The following MAF variants were observed in gnomAD, a reference collection of about 807,000 sequenced individuals.
MAF encodes the protein MAF bZIP transcription factor.
A neutral mutation model predicts 22.0 loss-of-function variants in MAF; 10 were observed. The observed-to-expected ratio is 0.45, with a 90% CI of 0.28 to 0.77. MAF has a LOEUF of 0.77. MAF is among the 30% of genes least tolerant of loss of function. MAF has a pLI of 0.12. For synonymous variants in MAF, 337 were observed against 255.8 expected (o/e 1.32, Z -3.03); for missense variants, 544 against 548.4 (o/e 0.99, Z 0.08).
At chr16:79,255,982 C>CTTTTTTTTTTTTTTTTTTTTTT in the MAF span, among the ~76,000 whole-genome samples, 2 of 99,730 alleles carry the variant, frequency 2.0e-5, no homozygotes, top group African/African-American at 4.6e-5. Flanking sequence ...CTTTTCTTTT[C>CTTTTTTTTTTTTTTTTTTTTTT]TTTTTTTTTT....
At chr16:79,492,753 A>G in the MAF span, among the ~76,000 whole-genome samples, 1 of 152,228 alleles carries the variant, frequency 6.6e-6, no homozygotes, top group Non-Finnish European at 1.5e-5. Flanking sequence ...TACTCATGGG[A>G]GAAAGAGGCC....
At chr16:79,551,839 C>G in the MAF span, among the ~76,000 whole-genome samples, 42 of 152,256 alleles carry the variant, frequency 2.8e-4, no homozygotes, top group South Asian at 8.3e-3. Context: ...GCTTGAGTAG[C>G]TGCAACAGAG....
Position 79,599,926 on chromosome 16 carries a change from CGCCGCCGCT to C in MAF, c.-33_-25del, listed in dbSNP as rs763411678. On this transcript the variant is annotated 5_prime_UTR_variant, in exon 1 of 2. Coordinates refer to ENST00000326043, the MANE Select transcript of MAF (RefSeq NM_005360.5). ...ATTCTCCTGCCGCCGCCGCCGCCGC[CGCCGCCGCT>C]CCGCCAGATGGGCTGCAGGAGAGGG... 11 of 1,592,204 alleles carry C rather than the reference CGCCGCCGCT, an allele frequency of 6.9e-6. No homozygotes were observed. The East Asian group carries it at 2.5e-4, about 36-fold the overall frequency.
rs965793852 is a variant in MAF at position 79,595,582 on chromosome 16, T to C, written c.1119-1029A>G. ...ATTAGTTTCATGAATTTGTGTCATT[T>C]AAAAATAGGTCAGCGCTTAGGAGTC... On this transcript the variant is annotated intron_variant, in intron 1 of 1. Transcript: ENST00000326043. 8 of 1,059,544 alleles carry C rather than the reference T, an allele frequency of 7.6e-6. No homozygotes were observed. In the African/African-American group the frequency reaches 1.2e-4, roughly 15 times the overall value. The allele number at this position is 1,059,544 out of a possible 1,614,324, so 65.6% of individuals were successfully genotyped here.
chr16:79,449,458 G>A, the MAF span, among the ~76,000 whole-genome samples: 3 of 152,202 alleles, frequency 2.0e-5, no homozygotes, highest in South Asian at 6.2e-4. Context: ...CGGTGTGCTT[G>A]TTATTTAGTT....
the MAF span, among the ~76,000 whole-genome samples, chr16:79,274,704 A>G: frequency 1.3e-5 from 2 of 152,166 alleles, no homozygotes; most frequent in African/African-American, 4.8e-5. Context: ...TCTTTGTACC[A>G]TCAGCAGTCC....
At chr16:79,574,039 G>C in the MAF span, among the ~76,000 whole-genome samples, 1 of 152,302 alleles carries the variant, frequency 6.6e-6, no homozygotes, top group East Asian at 1.9e-4. Flanking sequence ...GCTACTCACC[G>C]ATACAGGGCT....
chr16:79,546,099 T>A, the MAF span, among the ~76,000 whole-genome samples: 1 of 151,914 alleles, frequency 6.6e-6, no homozygotes, highest in African/African-American at 2.4e-5. Flanking sequence ...ATAAACAAAA[T>A]GTGGTATGAG....
At chr16:79,373,122 G>T in the MAF span, among the ~76,000 whole-genome samples, 1 of 152,092 alleles carries the variant, frequency 6.6e-6, no homozygotes, top group Non-Finnish European at 1.5e-5. Context: ...AACTCTGTAA[G>T]GGGAGGGTTT....
At chr16:79,561,827 T>C in the MAF span, among the ~76,000 whole-genome samples, 37 of 152,314 alleles carry the variant, frequency 2.4e-4, no homozygotes, top group South Asian at 4.2e-4. Context: ...TTGACAGGAA[T>C]GACCTCCAAA....
At chr16:79,508,757 C>T in the MAF span, among the ~76,000 whole-genome samples, 1 of 152,172 alleles carries the variant, frequency 6.6e-6, no homozygotes, top group East Asian at 1.9e-4. Flanking sequence ...TGAAAGAAGA[C>T]ACACCAGAAA....
At chr16:79,366,943 T>C in the MAF span, among the ~76,000 whole-genome samples, 1 of 152,248 alleles carries the variant, frequency 6.6e-6, no homozygotes, top group Non-Finnish European at 1.5e-5. Context: ...CAGGGCTTGG[T>C]ATATAGCAAG....
the MAF span, among the ~76,000 whole-genome samples, chr16:79,262,390 G>T: frequency 9.6e-4 from 146 of 152,310 alleles, no homozygotes; most frequent in Middle Eastern, 3.4e-3. Context: ...TGTAGACAAA[G>T]GACATGATAC....
the MAF span, among the ~76,000 whole-genome samples, chr16:79,499,315 C>T: frequency 1.3e-5 from 2 of 152,150 alleles, no homozygotes; most frequent in African/African-American, 2.4e-5. Flanking sequence ...TAAGCACCAT[C>T]TGGGACACAG....
downstream of MAF, among the ~76,000 whole-genome samples, chr16:79,584,997 C>T (rs911247765): frequency 6.6e-6 from 1 of 152,008 alleles, no homozygotes; most frequent in Non-Finnish European, 1.5e-5. Flanking sequence ...GATTTTTGCC[C>T]CCCTCAGTTT....
chr16:79,304,574 G>T, the MAF span, among the ~76,000 whole-genome samples: 101 of 152,236 alleles, frequency 6.6e-4, no homozygotes, highest in Middle Eastern at 6.8e-3. Context: ...GAGACAAAAG[G>T]AACAAAAGAT....
At chr16:79,471,398 C>T in the MAF span, among the ~76,000 whole-genome samples, 2 of 152,218 alleles carry the variant, frequency 1.3e-5, no homozygotes, top group Non-Finnish European at 2.9e-5. Context: ...TGGCTCATGC[C>T]TATAATCTCA....
At chr16:79,254,686 T>A in the MAF span, among the ~76,000 whole-genome samples, 1 of 152,116 alleles carries the variant, frequency 6.6e-6, no homozygotes, top group Admixed American at 6.6e-5. Context: ...CCTGGATTAT[T>A]CTCCCAGAGA....
the MAF span, among the ~76,000 whole-genome samples, chr16:79,302,431 A>C: frequency 6.6e-6 from 1 of 152,220 alleles, no homozygotes; most frequent in Non-Finnish European, 1.5e-5. Flanking sequence ...ACTGCACGTT[A>C]ATACCTTGTG....
Sources: allele counts gnomAD v4.1 joint callset (sites outside exome capture counted in the v4.1 genomes callset), GRCh38; gene constraint gnomAD v4.1.1; transcripts MANE v1.5; gene names NCBI Gene and HGNC (gene_info 2026-07-23, HGNC 2026-07-21).